VPS54: variants seen among roughly 807,000 people sequenced by gnomAD.
VPS54 encodes the protein vacuolar protein sorting-associated protein 54.
A neutral mutation model predicts 121.5 loss-of-function variants in VPS54; 45 were observed. That is an observed-to-expected ratio of 0.37 (90% CI 0.29 to 0.47). The LOEUF is 0.47. Ranked by LOEUF, VPS54 falls within the 20% of genes least tolerant of loss-of-function variation. VPS54 has a pLI of 0.99. For synonymous variants in VPS54, 371 were observed against 385.8 expected, an observed-to-expected ratio of 0.96 and a Z score of 0.45; for missense variants, 1,090 against 1,131.4, an observed-to-expected ratio of 0.96 and a Z score of 0.52.
intron 6 of VPS54, among the ~76,000 whole-genome samples, chr2:63,963,894 C>A (rs1021583259): frequency 3.3e-5 from 5 of 151,998 alleles, no homozygotes; most frequent in Non-Finnish European, 7.4e-5. Context: ...TTTAACAGGG[C>A]CATAATAAAA....
intron 1 of VPS54, among the ~76,000 whole-genome samples, chr2:64,001,552 C>CAGGGCCCA (rs1489228329): frequency 1.2e-4 from 18 of 152,102 alleles, no homozygotes; most frequent in Non-Finnish European, 2.4e-4. Flanking sequence ...GCTAGTTATT[C>CAGGGCCCA]AGGGCCCAAG....
At chr2:63,927,590 A>G (rs1350583021) in intron 12 of VPS54, among the ~76,000 whole-genome samples, 1 of 152,242 alleles carries the variant, frequency 6.6e-6, no homozygotes. Context: ...TCCAAAAGCC[A>G]GAATACCTCT....
chr2:63,996,592 T>C (rs1302060884), intron 1 of VPS54, among the ~76,000 whole-genome samples: 1 of 152,236 alleles, frequency 6.6e-6, no homozygotes, highest in Non-Finnish European at 1.5e-5. Context: ...TTTCTCTTAT[T>C]GCCAAAAACG....
chr2:63,921,098 T>G, intron 13 of VPS54, 108 bp downstream of exon 13: 1 of 1,207,068 alleles, frequency 8.3e-7, no homozygotes. Context: ...CTTTATTAAA[T>G]GTTAAAAATA....
Position 63,892,953 on chromosome 2 carries a change from A to G in VPS54, c.*477T>C, listed in dbSNP as rs1314686539. The G allele has an allele frequency of 6.5e-6, 1 of 153,296 alleles. No individual in the cohort carries two copies. Among genetic ancestry groups the G allele is most frequent in the East Asian group, 1.9e-4 (1 of 5,220 alleles). The allele number at this position is 153,296 out of a possible 1,614,324, so 9.5% of individuals were successfully genotyped here. Reference sequence around the variant, plus strand: ...TTATAGAAAGATCTGTAAAAAAATAATAATTTTTCAAACAGCTTTACTTTC... The same window carrying G: ...TTATAGAAAGATCTGTAAAAAAATAGTAATTTTTCAAACAGCTTTACTTTC... On this transcript the variant is annotated 3_prime_UTR_variant, in exon 23 of 23. Transcript: ENST00000272322.
At chr2:63,990,677 ACT>A (rs893812880) in intron 1 of VPS54, among the ~76,000 whole-genome samples, 4 of 152,076 alleles carry the variant, frequency 2.6e-5, no homozygotes, top group Non-Finnish European at 5.9e-5. Flanking sequence ...TTCTATGCCA[ACT>A]CTGTCTCAGA....
intron 12 of VPS54, among the ~76,000 whole-genome samples, chr2:63,921,707 C>T (rs1673655272): frequency 6.6e-6 from 1 of 151,962 alleles, no homozygotes. Flanking sequence ...CTCAAATATC[C>T]CTGGCCTCAA....
intron 15 of VPS54, among the ~76,000 whole-genome samples, chr2:63,918,725 G>C (rs762427099): frequency 5.3e-5 from 8 of 151,868 alleles, no homozygotes; most frequent in Non-Finnish European, 1.0e-4. Context: ...TTAAACTCTA[G>C]ATTCGATTCC....
intron 7 of VPS54, among the ~76,000 whole-genome samples, chr2:63,951,594 C>T (rs184970147): frequency 6.6e-6 from 1 of 152,162 alleles, no homozygotes; most frequent in East Asian, 1.9e-4. Flanking sequence ...TGATTTAATA[C>T]TGCATGAGTG....
chr2:63,919,774 T>C (rs1252778411), intron 15 of VPS54, 109 bp downstream of exon 15: 9 of 659,554 alleles, frequency 1.4e-5, no homozygotes, highest in Non-Finnish European at 2.2e-5. Flanking sequence ...CTGGAAATAT[T>C]GGTTCTAGCT....
At position 63,947,431 on chromosome 2, in the gene VPS54, T is replaced by C; in HGVS notation, c.1197A>G (p.Glu399=). The change falls in exon 9 of 23, where the codon GAA becomes GAG. Residue 399 remains glutamate (E), a synonymous_variant. Transcript: ENST00000272322. ...LLKQRKLNFL[E]IYGEKMVITA... is the part of the protein sequence containing the mutation. The stretch of plus-strand genomic sequence containing the variant: ...TAATAACCATTTTTTCACCATAGAT[T>C]TCTAAAAAATTAAGCTTTCTTTGTT... 1 of 1,554,608 alleles carries C rather than the reference T, an allele frequency of 6.4e-7. No homozygotes were observed. Among genetic ancestry groups the C allele is most frequent in the Admixed American group, 1.8e-5 (1 of 56,636 alleles).
intron 1 of VPS54, among the ~76,000 whole-genome samples, chr2:64,005,089 CTTTTTTTTTT>C (rs764515091): frequency 4.5e-4 from 20 of 44,128 alleles, no homozygotes; most frequent in Admixed American, 1.8e-3. Context: ...ACTATTGCTT[CTTTTTTTTTT>C]TTTTTTTTTT....
chr2:63,932,099 G>A (rs1014698576), intron 12 of VPS54, among the ~76,000 whole-genome samples: 21 of 152,162 alleles, frequency 1.4e-4, no homozygotes, highest in Non-Finnish European at 1.8e-4. Flanking sequence ...ACAGTGTGGC[G>A]ATTCTTCAAG....
intron 20 of VPS54, 42 bp downstream of exon 20, chr2:63,912,300 CATA>C (rs1208583819): frequency 1.4e-6 from 2 of 1,466,136 alleles, no homozygotes; most frequent in African/African-American, 1.4e-5. Context: ...AATAGAAAAT[CATA>C]ATGTCTTTGA....
chr2:64,011,484 T>C lies in VPS54; in HGVS notation c.-21+7454A>G, dbSNP rs909105375. 2.0e-5 allele frequency among the ~76,000 whole-genome samples: 3 copies of C among 152,124 alleles called. No homozygotes were observed. The East Asian group carries it at 5.8e-4, about 29-fold the overall frequency. ...GGGAGGCTGAGGCAGAGCAATCGCT[T>C]GAACACAGAACGGGGAGGTTGCAGT... On this transcript the variant is annotated intron_variant, in intron 1 of 22. Coordinates refer to ENST00000272322, the MANE Select transcript of VPS54 (RefSeq NM_016516.3).
chr2:63,981,921 C>T (rs1290312739), intron 2 of VPS54, 34 bp from the exon 3 acceptor site: 1 of 1,577,322 alleles, frequency 6.3e-7, no homozygotes, highest in Admixed American at 1.8e-5. Flanking sequence ...TCTGTAAATG[C>T]TGTAAAATTG....
chr2:63,964,304 C>T (rs1238820240), intron 6 of VPS54, among the ~76,000 whole-genome samples: 2 of 152,104 alleles, frequency 1.3e-5, no homozygotes, highest in African/African-American at 2.4e-5. Context: ...ATAAGAAAAG[C>T]ATTTGAGTCT....
rs758298253 is a variant in VPS54 at position 63,979,806 on chromosome 2, A to T, written c.378+1840T>A. ...TTTTCCACCAACCTTTCCATTATTAATTTCTATTTTAATTATACTGTGGTC... is the reference window on the plus strand; with the variant it reads ...TTTTCCACCAACCTTTCCATTATTATTTTCTATTTTAATTATACTGTGGTC... On this transcript the variant is annotated intron_variant, in intron 3 of 22. Transcript: ENST00000272322. Among the ~76,000 whole-genome samples, 107 of 152,042 alleles carry T rather than the reference A, an allele frequency of 7.0e-4. 3 individuals are homozygous for T. The highest frequency in any genetic ancestry group is 1.5e-4 in the Non-Finnish European group (10 of 67,988).
At chr2:63,895,327 G>T (rs527614768) in intron 22 of VPS54, among the ~76,000 whole-genome samples, 6 of 152,246 alleles carry the variant, frequency 3.9e-5, no homozygotes, top group African/African-American at 1.4e-4. Flanking sequence ...GGTGGCACGT[G>T]CCTGTAATCC....
Sources: allele counts gnomAD v4.1 joint callset (sites outside exome capture counted in the v4.1 genomes callset), GRCh38; gene constraint gnomAD v4.1.1; transcripts MANE v1.5; gene names NCBI Gene and HGNC (gene_info 2026-07-23, HGNC 2026-07-21).